The following ERC1 variants were observed in gnomAD, a reference collection of about 807,000 sequenced individuals.
ERC1 encodes the protein ELKS/RAB6-interacting/CAST family member 1.
In ERC1, 56 loss-of-function variants were observed where a neutral mutation model predicts 132.0. The ratio of observed to expected loss-of-function variants is 0.42; its 90% CI spans 0.34 to 0.53. ERC1 has a LOEUF of 0.53. Among genes scored for constraint, ERC1 ranks in the 20% least tolerant of loss-of-function variants. ERC1 has a pLI of 0.03. For synonymous variants in ERC1, 478 were observed against 476.1 expected, an observed-to-expected ratio of 1.00 and a Z score of -0.05; for missense variants, 1,202 against 1,349.9, an observed-to-expected ratio of 0.89 and a Z score of 1.72.
At chr12:1,175,742 C>A (rs546356537) in intron 8 of ERC1, among the ~76,000 whole-genome samples, 1 of 152,126 alleles carries the variant, frequency 6.6e-6, no homozygotes, top group African/African-American at 2.4e-5. Flanking sequence ...TCCATGTTGG[C>A]CAGGCTGGTC....
intron 17 of ERC1, among the ~76,000 whole-genome samples, chr12:1,440,366 G>A (rs1483371430): frequency 6.6e-4 from 99 of 149,592 alleles, no homozygotes; most frequent in Admixed American, 2.3e-3. Flanking sequence ...CACCACGCCC[G>A]GCTAATTTTT....
chr12:1,032,681 T>C (rs1457050398), intron 2 of ERC1, among the ~76,000 whole-genome samples: 1 of 152,218 alleles, frequency 6.6e-6, no homozygotes, highest in Non-Finnish European at 1.5e-5. Flanking sequence ...AATGTTCAAA[T>C]GATATATGAC....
chr12:1,116,525 G>A (rs1471263960), intron 7 of ERC1, among the ~76,000 whole-genome samples: 2 of 151,794 alleles, frequency 1.3e-5, no homozygotes, highest in Non-Finnish European at 2.9e-5. Flanking sequence ...ATTAGACAAT[G>A]TGTCTTCATA....
intron 8 of ERC1, among the ~76,000 whole-genome samples, chr12:1,144,636 G>GTATA (rs1353092300): frequency 7.3e-6 from 1 of 137,706 alleles, no homozygotes; most frequent in African/African-American, 3.2e-5. Flanking sequence ...ATATATATAC[G>GTATA]TGTATATATA....
chr12:1,220,782 A>G (rs1394693066), intron 12 of ERC1, among the ~76,000 whole-genome samples: 1 of 152,204 alleles, frequency 6.6e-6, no homozygotes, highest in Non-Finnish European at 1.5e-5. Flanking sequence ...GATCCTTTAC[A>G]AGGGAAGTTT....
At position 1,267,628 on chromosome 12, in the gene ERC1, G is replaced by C. The variant is rs568350728; in HGVS notation, c.2619+4463G>C. The stretch of plus-strand genomic sequence containing the variant: ...TAAAAATTAATTAGCCGGGCATGAG[G>C]GGGTATGCCTATATTCCCAGCTACT... On this transcript the variant is annotated intron_variant, in intron 14 of 18. Transcript: ENST00000360905. Among the ~76,000 whole-genome samples the C allele has an allele frequency of 1.1e-4, 16 of 152,190 alleles. No individual in the cohort carries two copies. The East Asian group carries it at 2.1e-3, about 20-fold the overall frequency.
intron 2 of ERC1, among the ~76,000 whole-genome samples, chr12:1,066,574 C>T (rs1349771518): frequency 6.6e-6 from 1 of 152,118 alleles, no homozygotes; most frequent in Admixed American, 6.6e-5. Context: ...CGGTGGCTCA[C>T]GCCTGTAATC....
intron 15 of ERC1, among the ~76,000 whole-genome samples, chr12:1,294,890 C>A (rs1019614898): frequency 6.6e-6 from 1 of 152,114 alleles, no homozygotes; most frequent in Non-Finnish European, 1.5e-5. Context: ...TACTCACTCT[C>A]CAAATAGGTA....
chr12:991,553 C>G (rs2154123732), intron 1 of ERC1: 1 of 151,932 alleles, frequency 6.6e-6, no homozygotes, highest in East Asian at 2.0e-4. Flanking sequence ...GGGCCCCACC[C>G]AGACCACCGG....
At chr12:1,040,344 C>T (rs1478944922) in intron 2 of ERC1, among the ~76,000 whole-genome samples, 8 of 135,748 alleles carry the variant, frequency 5.9e-5, no homozygotes, top group Non-Finnish European at 7.7e-5. Context: ...TTTTTTGAGA[C>T]GGAGTCTCGC....
chr12:1,278,005 A>AT, intron 14 of ERC1, among the ~76,000 whole-genome samples: 1 of 152,182 alleles, frequency 6.6e-6, no homozygotes, highest in Non-Finnish European at 1.5e-5. Flanking sequence ...AGGAGTTTGA[A>AT]TCCCCTTTGT....
At chr12:1,241,862 T>C (rs1209195661) in intron 13 of ERC1, among the ~76,000 whole-genome samples, 2 of 139,326 alleles carry the variant, frequency 1.4e-5, no homozygotes, top group African/African-American at 2.7e-5. Flanking sequence ...TTTTTTTTTT[T>C]TTTTTTTTTT....
chr12:1,307,522 T>G (rs1294869191), intron 15 of ERC1, among the ~76,000 whole-genome samples: 1 of 152,234 alleles, frequency 6.6e-6, no homozygotes, highest in Non-Finnish European at 1.5e-5. Flanking sequence ...TACTTTTAGC[T>G]GTGGGTGCAT....
chr12:1,479,374 C>A (rs1188635820), intron 18 of ERC1, among the ~76,000 whole-genome samples: 1 of 152,210 alleles, frequency 6.6e-6, no homozygotes, highest in African/African-American at 2.4e-5. Flanking sequence ...GCAGAATTCA[C>A]ACCTTTACAG....
intron 3 of ERC1, among the ~76,000 whole-genome samples, chr12:1,098,030 C>T (rs1944260689): frequency 6.6e-6 from 1 of 152,172 alleles, no homozygotes; most frequent in Non-Finnish European, 1.5e-5. Context: ...GTATTTTGCT[C>T]CGCAAAGTTT....
At chr12:1,209,366 T>C (rs1457867370) in intron 12 of ERC1, among the ~76,000 whole-genome samples, 2 of 152,022 alleles carry the variant, frequency 1.3e-5, no homozygotes, top group South Asian at 2.1e-4. Flanking sequence ...AACAAACTTA[T>C]GGTTTCATGT....
intron 7 of ERC1, among the ~76,000 whole-genome samples, chr12:1,132,855 G>T (rs551667493): frequency 1.4e-5 from 2 of 145,242 alleles, no homozygotes; most frequent in African/African-American, 5.0e-5. Context: ...AATAATGTGG[G>T]TTTTTTTTTT....
At chr12:1,467,220 T>C (rs552685266) in intron 18 of ERC1, among the ~76,000 whole-genome samples, 3 of 152,356 alleles carry the variant, frequency 2.0e-5, no homozygotes, top group Non-Finnish European at 2.9e-5. Flanking sequence ...GATGGGATAT[T>C]GGATAAGGCT....
intron 16 of ERC1, among the ~76,000 whole-genome samples, chr12:1,398,390 G>A (rs1449751239): frequency 1.3e-5 from 2 of 152,098 alleles, no homozygotes; most frequent in Admixed American, 6.6e-5. Flanking sequence ...AAGTAATTAT[G>A]TTATTGTTAG....
Sources: gnomAD v4.1 joint callset for allele counts (sites outside exome capture counted in the v4.1 genomes callset) on GRCh38, gnomAD v4.1.1 for gene constraint, MANE v1.5 for transcripts, NCBI Gene and HGNC (gene_info 2026-07-23, HGNC 2026-07-21) for gene names.